The following DPYSL2 variants were observed in gnomAD, a reference collection of about 807,000 sequenced individuals.
DPYSL2 encodes the protein dihydropyrimidinase-related protein 2.
A neutral mutation model predicts 69.9 loss-of-function variants in DPYSL2; 13 were observed. The ratio of observed to expected loss-of-function variants is 0.19; its 90% CI spans 0.12 to 0.30. The LOEUF (loss-of-function observed/expected upper bound fraction) is 0.30. Among genes scored for constraint, DPYSL2 ranks in the 10% least tolerant of loss-of-function variants. The pLI is 1.00. For synonymous variants in DPYSL2, 326 were observed against 359.1 expected (o/e 0.91, Z 1.04); for missense variants, 587 against 918.9 (o/e 0.64, Z 4.67).
intron 1 of DPYSL2, among the ~76,000 whole-genome samples, chr8:26,579,457 G>A (rs1801436843): frequency 6.6e-6 from 1 of 152,208 alleles, no homozygotes; most frequent in Admixed American, 6.5e-5. Flanking sequence ...GCTGATTCCC[G>A]GGTAGAACCT....
At chr8:26,616,133 A>G (rs1802341074) in intron 3 of DPYSL2, among the ~76,000 whole-genome samples, 1 of 152,204 alleles carries the variant, frequency 6.6e-6, no homozygotes, top group Non-Finnish European at 1.5e-5. Context: ...CTAAAGTCAC[A>G]TGGTGAGGAA....
Position 26,653,507 on chromosome 8 carries a change from C to A in DPYSL2, c.1942+110C>A. ...ACAGAAATAGAAGTGAATGATATTC[C>A]CTTTCTCTCCAACGTGAGAAATACA... is the stretch of plus-strand genomic sequence containing the variant. On this transcript the variant is annotated intron_variant, in intron 13 of 13. Transcript: ENST00000521913. This position sits in a 1 kb window ranked among gnomAD's most constrained non-coding sequence, Gnocchi z 5.7. 8.8e-7 allele frequency: 1 copy of A among 1,139,948 alleles called. No homozygotes were observed. The highest frequency in any genetic ancestry group is 1.3e-6 in the Non-Finnish European group (1 of 798,668). 70.6% of individuals were successfully genotyped at this position (1,139,948 alleles called of 1,614,324 possible).
At position 26,585,761 on chromosome 8, in the gene DPYSL2, C is replaced by T. The variant is rs781259546; in HGVS notation, c.628+1778C>T. Among the ~76,000 whole-genome samples the T allele has an allele frequency of 1.1e-4, 16 of 152,176 alleles. No individual in the cohort carries two copies. The highest frequency in any genetic ancestry group is 1.9e-4 in the Non-Finnish European group (13 of 68,034). ...ATCATCTGCCTCAGTTTGGAGTTCA[C>T]AGGGAGACCCTGCAGGCCCCTGGAT... On this transcript the variant is annotated intron_variant, in intron 3 of 13. Coordinates refer to ENST00000521913, the MANE Select transcript of DPYSL2 (RefSeq NM_001197293.3). This position sits in a 1 kb window ranked among gnomAD's most constrained non-coding sequence, Gnocchi z 4.0.
At chr8:26,577,885 GAGGAAAGGGAGT>G in intron 1 of DPYSL2, 1 of 1,124,140 alleles carries the variant, frequency 8.9e-7, no homozygotes, top group South Asian at 2.2e-5. Context: ...TTTTGCCTGA[GAGGAAAGGGAGT>G]GGCTGGCGGC....
chr8:26,559,685 G>A (rs1801043137), intron 1 of DPYSL2, among the ~76,000 whole-genome samples: 1 of 152,060 alleles, frequency 6.6e-6, no homozygotes, highest in African/African-American at 2.4e-5. Context: ...TAACTCGTAG[G>A]TTTCAAATAT....
chr8:26,606,357 A>G (rs1422390459), intron 3 of DPYSL2, among the ~76,000 whole-genome samples: 2 of 152,212 alleles, frequency 1.3e-5, no homozygotes, highest in Admixed American at 6.5e-5. Context: ...GAAAATACAG[A>G]TGAAAAGCCA....
chr8:26,540,137 C>T (rs1217120011), intron 1 of DPYSL2, among the ~76,000 whole-genome samples: 1 of 152,078 alleles, frequency 6.6e-6, no homozygotes, highest in African/African-American at 2.4e-5. Flanking sequence ...GAAAACAATG[C>T]ACAAACATAA....
In DPYSL2 at chr8:26,614,890, A is replaced by G. The variant is rs144545829; in HGVS notation, c.629-9253A>G. The stretch of plus-strand genomic sequence containing the variant: ...GAATTGGGTCACTTGCTTTAGTTAT[A>G]ATATATGAAGGGATAAGACTGAATT... On this transcript the variant is annotated intron_variant, in intron 3 of 13. Transcript: ENST00000521913. The surrounding 1 kb of genome is among the most constrained non-coding windows in gnomAD (Gnocchi z 4.9). 2.6e-4 allele frequency among the ~76,000 whole-genome samples: 39 copies of G among 152,306 alleles called. No individual in the cohort carries two copies. Among genetic ancestry groups the G allele is most frequent in the Non-Finnish European group, 3.4e-4 (23 of 68,026 alleles).
At chr8:26,632,746 C>G (rs534469414) in intron 7 of DPYSL2, among the ~76,000 whole-genome samples, 105 of 152,356 alleles carry the variant, frequency 6.9e-4, no homozygotes, top group African/African-American at 2.4e-3. Flanking sequence ...TCTCACACTT[C>G]ACACCCATGC....
At chr8:26,592,563 C>T (rs1333458949) in intron 3 of DPYSL2, among the ~76,000 whole-genome samples, 2 of 151,660 alleles carry the variant, frequency 1.3e-5, no homozygotes, top group East Asian at 1.9e-4. Context: ...GCAACCTCCA[C>T]CTCCCAGGTA....
intron 1 of DPYSL2, among the ~76,000 whole-genome samples, chr8:26,552,231 A>G (rs886540672): frequency 6.6e-5 from 10 of 152,242 alleles, no homozygotes; most frequent in African/African-American, 1.4e-4. Context: ...TGTGGACCGC[A>G]GCAAAAACAG....
chr8:26,529,318 C>A (rs1463894952), intron 1 of DPYSL2, among the ~76,000 whole-genome samples: 1 of 151,472 alleles, frequency 6.6e-6, no homozygotes, highest in Non-Finnish European at 1.5e-5. Flanking sequence ...ATCTATCTAT[C>A]TATCATCTAT....
chr8:26,634,665 C>G, intron 7 of DPYSL2, 115 bp from the exon 8 acceptor site: 1 of 1,561,822 alleles, frequency 6.4e-7, no homozygotes, highest in Non-Finnish European at 8.7e-7. Flanking sequence ...TGGGGTAGGA[C>G]CTTGGAGACC....
chr8:26,586,275 CA>C lies in DPYSL2; in HGVS notation c.628+2293del, dbSNP rs1801601471. Among the ~76,000 whole-genome samples, 1 of 152,174 alleles carries C rather than the reference CA, an allele frequency of 6.6e-6. No homozygotes were observed. Among genetic ancestry groups the C allele is most frequent in the Non-Finnish European group, 1.5e-5 (1 of 68,030 alleles). ...ACTCTGTGTTCTAGCTGTGTGTCTC[CA>C]GTGAGGGATTTGTGCTACATGACCC... On this transcript the variant is annotated intron_variant, in intron 3 of 13. Transcript: ENST00000521913. This position sits in a 1 kb window ranked among gnomAD's most constrained non-coding sequence, Gnocchi z 4.7.
intron 3 of DPYSL2, among the ~76,000 whole-genome samples, chr8:26,622,675 G>T (rs1278575894): frequency 2.0e-5 from 3 of 152,014 alleles, no homozygotes; most frequent in Admixed American, 6.6e-5. Flanking sequence ...GCTAATTTTT[G>T]TATTTTTAGT....
intron 1 of DPYSL2, among the ~76,000 whole-genome samples, chr8:26,539,812 C>G (rs893272736): frequency 1.3e-5 from 2 of 152,200 alleles, no homozygotes; most frequent in African/African-American, 4.8e-5. Flanking sequence ...AGTAGGATCG[C>G]TACACTCCAC....
In DPYSL2 at chr8:26,514,810, C is replaced by A. The variant is rs369785527; in HGVS notation, c.354+131C>A. The stretch of plus-strand genomic sequence containing the variant: ...GCCTCCCGCATCTGCACGCGCACCC[C>A]GCCCTACCCGCCCCTTCTCCGCGCA... On this transcript the variant is annotated intron_variant, in intron 1 of 13. Coordinates refer to ENST00000521913, the MANE Select transcript of DPYSL2 (RefSeq NM_001197293.3). This position sits in a 1 kb window ranked among gnomAD's most constrained non-coding sequence, Gnocchi z 8.4. The A allele has an allele frequency of 1.2e-6, 1 of 813,718 alleles. No individual in the cohort carries two copies. The highest frequency in any genetic ancestry group is 2.4e-5 in the South Asian group (1 of 41,440). 50.4% of individuals were successfully genotyped at this position (813,718 alleles called of 1,614,324 possible).
intron 1 of DPYSL2, among the ~76,000 whole-genome samples, chr8:26,523,692 G>T (rs1215710789): frequency 6.6e-6 from 1 of 151,334 alleles, no homozygotes; most frequent in African/African-American, 2.4e-5. Context: ...ACAGGGTCTT[G>T]CTCTGTCACC....
chr8:26,634,651 C>T, intron 7 of DPYSL2, 129 bp from the exon 8 acceptor site: 3 of 1,494,530 alleles, frequency 2.0e-6, no homozygotes, highest in South Asian at 1.3e-5. Context: ...TTTGAATTGT[C>T]CCCTGGGGTA....
Sources: gnomAD v4.1 joint callset for allele counts (sites outside exome capture counted in the v4.1 genomes callset) on GRCh38, gnomAD v4.1.1 for gene constraint, Gnocchi (gnomAD v3.1) non-coding constraint, MANE v1.5 for transcripts, NCBI Gene and HGNC (gene_info 2026-07-23, HGNC 2026-07-21) for gene names.